The following ZSWIM6 variants were observed in gnomAD, a reference collection of about 807,000 sequenced individuals.
The protein encoded by ZSWIM6 is zinc finger SWIM-type containing 6, also known as zinc finger SWIM domain-containing protein 6.
ZSWIM6 carries 9 observed loss-of-function variants against 113.2 expected under a neutral mutation model. The ratio of observed to expected loss-of-function variants is 0.08; its 90% CI spans 0.05 to 0.14. The LOEUF (loss-of-function observed/expected upper bound fraction) is 0.14. ZSWIM6 is among the 10% of genes least tolerant of loss of function. The pLI is 1.00. For synonymous variants in ZSWIM6, 611 were observed against 606.5 expected, an observed-to-expected ratio of 1.01 and a Z score of -0.11; for missense variants, 1,162 against 1,552.2, an observed-to-expected ratio of 0.75 and a Z score of 4.22.
chr5:61,473,057 C>A lies in ZSWIM6; in HGVS notation c.1033+20C>A. 1.5e-6 allele frequency: 2 copies of A among 1,362,456 alleles called. No homozygotes were observed. The highest frequency in any genetic ancestry group is 1.7e-5 in the South Asian group (1 of 59,566). The allele number at this position is 1,362,456 out of a possible 1,614,324, so 84.4% of individuals were successfully genotyped here. On this transcript the variant is annotated intron_variant, in intron 2 of 13. Transcript: ENST00000252744. ...TTCATGGTGAGTATAGACATTGACT[C>A]TTTAAATTTCCTCTCTGGATCCTTT... is the stretch of plus-strand genomic sequence containing the variant.
Position 61,367,621 on chromosome 5 carries a change from C to T in ZSWIM6, c.676+34673C>T, listed in dbSNP as rs185452255. 4.6e-5 allele frequency among the ~76,000 whole-genome samples: 7 copies of T among 152,284 alleles called. No homozygotes were observed. The East Asian group carries it at 1.2e-3, about 25-fold the overall frequency. The stretch of plus-strand genomic sequence containing the variant: ...TTTCTCAAGATTGCATCTACAAGCA[C>T]AGGAGCTAGGATTTGAACACAGGTA... On this transcript the variant is annotated intron_variant, in intron 1 of 13. Coordinates refer to ENST00000252744, the MANE Select transcript of ZSWIM6 (RefSeq NM_020928.2).
chr5:61,529,191 G>C (rs1749366139), intron 7 of ZSWIM6, among the ~76,000 whole-genome samples: 1 of 152,136 alleles, frequency 6.6e-6, no homozygotes, highest in Non-Finnish European at 1.5e-5. Context: ...CGGGCAACAA[G>C]AGTGAAACTC....
intron 1 of ZSWIM6, among the ~76,000 whole-genome samples, chr5:61,339,706 G>C (rs1465625766): frequency 1.3e-5 from 2 of 152,112 alleles, no homozygotes; most frequent in African/African-American, 4.8e-5. Context: ...GTTATAGGCA[G>C]GTCTTTTTAA....
At chr5:61,335,928 A>G (rs147706220) in intron 1 of ZSWIM6, among the ~76,000 whole-genome samples, 1 of 152,358 alleles carries the variant, frequency 6.6e-6, no homozygotes, top group East Asian at 1.9e-4. Flanking sequence ...AGTTGATTAT[A>G]GGAAAATTTT....
At chr5:61,445,809 A>T (rs1746938533) in intron 1 of ZSWIM6, among the ~76,000 whole-genome samples, 1 of 152,186 alleles carries the variant, frequency 6.6e-6, no homozygotes, top group African/African-American at 2.4e-5. Context: ...ATTTTTTCTC[A>T]TACTCAAGGT....
intron 4 of ZSWIM6, among the ~76,000 whole-genome samples, chr5:61,509,668 A>G (rs750074496): frequency 2.6e-5 from 4 of 152,198 alleles, no homozygotes; most frequent in African/African-American, 9.6e-5. Context: ...TAATGTCTAC[A>G]GGAAAACAAA....
At chr5:61,380,410 T>A (rs957370647) in intron 1 of ZSWIM6, among the ~76,000 whole-genome samples, 4 of 152,192 alleles carry the variant, frequency 2.6e-5, no homozygotes, top group Non-Finnish European at 5.9e-5. Context: ...CTCTTGTAAG[T>A]TTTCCTAACA....
rs181631126 is a variant in ZSWIM6 at position 61,520,024 on chromosome 5, C to T, written c.1334-1239C>T. On this transcript the variant is annotated intron_variant, in intron 4 of 13. Coordinates refer to ENST00000252744, the MANE Select transcript of ZSWIM6 (RefSeq NM_020928.2). ...TAATACTTGTTCGTCTGCCATTCACCTCCTGCTGTGTGGCCAGGTTCCTAA... is the reference window on the plus strand; with the variant it reads ...TAATACTTGTTCGTCTGCCATTCACTTCCTGCTGTGTGGCCAGGTTCCTAA... Among the ~76,000 whole-genome samples the T allele has an allele frequency of 5.9e-5, 9 of 152,298 alleles. No homozygotes were observed. In the East Asian group the frequency reaches 1.7e-3, roughly 29 times the overall value.
chr5:61,345,213 A>G (rs1744631340), intron 1 of ZSWIM6, among the ~76,000 whole-genome samples: 1 of 152,220 alleles, frequency 6.6e-6, no homozygotes, highest in Non-Finnish European at 1.5e-5. Flanking sequence ...TGTTTTTCCT[A>G]CAGTTATCCC....
At chr5:61,510,887 G>C (rs538688756) in intron 4 of ZSWIM6, among the ~76,000 whole-genome samples, 1 of 152,240 alleles carries the variant, frequency 6.6e-6, no homozygotes, top group African/African-American at 2.4e-5. Flanking sequence ...TTCTGTCCTG[G>C]TTTGGGCCGA....
chr5:61,481,459 G>T (rs554273006), intron 2 of ZSWIM6, among the ~76,000 whole-genome samples: 2 of 152,090 alleles, frequency 1.3e-5, no homozygotes, highest in East Asian at 3.9e-4. Context: ...TCTAGAATGT[G>T]CCACCCTGCT....
At chr5:61,410,419 C>T (rs1436285231) in intron 1 of ZSWIM6, among the ~76,000 whole-genome samples, 1 of 150,934 alleles carries the variant, frequency 6.6e-6, no homozygotes, top group Non-Finnish European at 1.5e-5. Context: ...AGGCGATTCT[C>T]CTGCCTCAGC....
At chr5:61,497,354 T>C (rs1233502341) in intron 4 of ZSWIM6, among the ~76,000 whole-genome samples, 1 of 152,192 alleles carries the variant, frequency 6.6e-6, no homozygotes, top group Non-Finnish European at 1.5e-5. Context: ...ATTGTAAAAG[T>C]AACATTTATT....
Position 61,332,909 on chromosome 5 carries a change from C to T in ZSWIM6, c.637C>T (p.Leu213=), listed in dbSNP as rs1579934283. The T allele has an allele frequency of 3.7e-6, 5 of 1,351,550 alleles. No homozygotes were observed. Among genetic ancestry groups the T allele is most frequent in the East Asian group, 3.3e-5 (1 of 30,052 alleles). 83.7% of individuals were successfully genotyped at this position (1,351,550 alleles called of 1,614,324 possible). ...TRLPFRRGIA[L]LESGCVDNVL... ...GCTGCCTTTCCGCCGGGGCATCGCG[C>T]TGTTGGAAAGCGGCTGCGTAGACAA... is the stretch of plus-strand genomic sequence containing the variant. The change falls in exon 1 of 14, where the codon CTG becomes TTG. Residue 213 remains leucine, a synonymous_variant. Coordinates refer to ENST00000252744, the MANE Select transcript of ZSWIM6 (RefSeq NM_020928.2).
At chr5:61,532,772 A>G (rs889040753) in intron 9 of ZSWIM6, among the ~76,000 whole-genome samples, 1 of 152,126 alleles carries the variant, frequency 6.6e-6, no homozygotes, top group African/African-American at 2.4e-5. Flanking sequence ...ACTCTCCTGA[A>G]CCTGTTTTTT....
chr5:61,458,591 G>C (rs1048021849), intron 1 of ZSWIM6, among the ~76,000 whole-genome samples: 1 of 151,802 alleles, frequency 6.6e-6, no homozygotes, highest in Non-Finnish European at 1.5e-5. Flanking sequence ...ATACAGATGA[G>C]ACCAGGCTGG....
At chr5:61,505,599 T>TTACC (rs1371975487) in intron 4 of ZSWIM6, among the ~76,000 whole-genome samples, 3 of 119,902 alleles carry the variant, frequency 2.5e-5, no homozygotes, top group Non-Finnish European at 5.4e-5. Flanking sequence ...TATCTATGAT[T>TTACC]TACCTTCCTT....
chr5:61,343,110 A>G (rs1157268485), intron 1 of ZSWIM6, among the ~76,000 whole-genome samples: 1 of 152,206 alleles, frequency 6.6e-6, no homozygotes, highest in African/African-American at 2.4e-5. Context: ...TTACAATTAT[A>G]TTATTTCTTG....
At chr5:61,523,147 G>A (rs907671201) in intron 5 of ZSWIM6, among the ~76,000 whole-genome samples, 1 of 152,244 alleles carries the variant, frequency 6.6e-6, no homozygotes, top group Admixed American at 6.5e-5. Context: ...GAAGAGACAT[G>A]CCTACAGAGG....
Sources: gnomAD v4.1 joint callset for allele counts (sites outside exome capture counted in the v4.1 genomes callset) on GRCh38, gnomAD v4.1.1 for gene constraint, MANE v1.5 for transcripts, NCBI Gene and HGNC (gene_info 2026-07-23, HGNC 2026-07-21) for gene names.